The following SMYD3 variants were observed in gnomAD, a reference collection of about 807,000 sequenced individuals.
SMYD3 encodes histone-lysine N-methyltransferase SMYD3.
Under a neutral mutation model 57.7 loss-of-function variants are expected in SMYD3, and 36 were observed. The observed-to-expected ratio is 0.62, with a 90% CI of 0.48 to 0.82. The LOEUF is 0.82. SMYD3 is among the 40% of genes least tolerant of loss of function. SMYD3 has a pLI of 0.00. For missense variants in SMYD3, 515 were observed against 538.8 expected (o/e 0.96, Z 0.44); for synonymous variants, 211 against 195.0 (o/e 1.08, Z -0.68).
chr1:246,146,880 A>G (rs2061851579), intron 5 of SMYD3, among the ~76,000 whole-genome samples: 1 of 152,256 alleles, frequency 6.6e-6, no homozygotes. Flanking sequence ...TCCCTTGGTG[A>G]AGGTTGATGG....
intron 10 of SMYD3, among the ~76,000 whole-genome samples, chr1:245,774,899 C>G (rs1054094838): frequency 6.6e-6 from 1 of 152,212 alleles, no homozygotes; most frequent in Non-Finnish European, 1.5e-5. Context: ...GACGGGGTTT[C>G]ACTGTGTTGG....
intron 5 of SMYD3, among the ~76,000 whole-genome samples, chr1:246,247,465 C>A (rs12757825): frequency 0.1 from 11,491 of 110,328 alleles, 707 homozygotes; most frequent in East Asian, 0.35. Flanking sequence ...CTCTCTCTCT[C>A]TATATATATA....
intron 5 of SMYD3, among the ~76,000 whole-genome samples, chr1:245,931,863 T>A (rs1322950611): frequency 6.6e-6 from 1 of 152,190 alleles, no homozygotes; most frequent in African/African-American, 2.4e-5. Context: ...TTGGCTTTTT[T>A]CCCTCTAAAT....
chr1:245,993,071 T>G (rs1338086659), intron 5 of SMYD3, among the ~76,000 whole-genome samples: 1 of 152,204 alleles, frequency 6.6e-6, no homozygotes, highest in Admixed American at 6.5e-5. Context: ...TAATAAAACT[T>G]TGGGAGGTAG....
intron 10 of SMYD3, among the ~76,000 whole-genome samples, chr1:245,837,454 T>C (rs2050160579): frequency 6.6e-6 from 1 of 151,966 alleles, no homozygotes; most frequent in South Asian, 2.1e-4. Context: ...AGGCATTCTA[T>C]GGCCTGAACA....
At chr1:246,410,667 C>T (rs999685902) in intron 1 of SMYD3, among the ~76,000 whole-genome samples, 120 of 152,182 alleles carry the variant, frequency 7.9e-4, no homozygotes, top group African/African-American at 2.8e-3. Context: ...TTTGGTATCA[C>T]GATGATGATG....
At chr1:246,045,901 A>C (rs1023989474) in intron 5 of SMYD3, among the ~76,000 whole-genome samples, 4 of 152,244 alleles carry the variant, frequency 2.6e-5, no homozygotes, top group Admixed American at 2.0e-4. Flanking sequence ...CCATCAGAGA[A>C]CTGCAAATCA....
intron 5 of SMYD3, among the ~76,000 whole-genome samples, chr1:246,127,623 C>T (rs1182040360): frequency 6.6e-6 from 1 of 152,060 alleles, no homozygotes; most frequent in Non-Finnish European, 1.5e-5. Context: ...AGGCTGGGTG[C>T]GGTGAATCAC....
intron 1 of SMYD3, among the ~76,000 whole-genome samples, chr1:246,407,596 C>T (rs1455931475): frequency 3.3e-5 from 5 of 152,172 alleles, no homozygotes; most frequent in African/African-American, 1.2e-4. Flanking sequence ...AATCCCAGCA[C>T]TTTGGGAAGC....
intron 10 of SMYD3, among the ~76,000 whole-genome samples, chr1:245,832,516 C>A: frequency 8.4e-6 from 1 of 118,604 alleles, no homozygotes; most frequent in Admixed American, 8.5e-5. Context: ...GAGGAGAAGA[C>A]GACACCTGAT....
chr1:245,779,165 GAAA>G (rs369697643), intron 10 of SMYD3, among the ~76,000 whole-genome samples: 16 of 126,544 alleles, frequency 1.3e-4, no homozygotes, highest in Middle Eastern at 3.6e-3. Context: ...GTCCCAAGGG[GAAA>G]AAAAAAAAAA....
intron 5 of SMYD3, among the ~76,000 whole-genome samples, chr1:245,950,565 G>A (rs543035872): frequency 6.6e-6 from 1 of 152,212 alleles, no homozygotes; most frequent in South Asian, 2.1e-4. Flanking sequence ...TCTTAACATT[G>A]CCCAGAAGGA....
intron 5 of SMYD3, among the ~76,000 whole-genome samples, chr1:246,141,675 C>T (rs376055564): frequency 1.1e-4 from 17 of 152,188 alleles, no homozygotes; most frequent in Admixed American, 6.5e-4. Flanking sequence ...AACATGCCAA[C>T]GTAAACACAT....
chr1:246,268,901 T>A (rs2064163233), intron 5 of SMYD3, among the ~76,000 whole-genome samples: 4 of 152,072 alleles, frequency 2.6e-5, no homozygotes, highest in Admixed American at 2.0e-4. Flanking sequence ...TCCCTTGGGG[T>A]CCTGCAACAC....
intron 5 of SMYD3, among the ~76,000 whole-genome samples, chr1:246,153,229 C>G (rs1040862029): frequency 3.3e-5 from 5 of 152,116 alleles, no homozygotes; most frequent in African/African-American, 1.2e-4. Context: ...ACAGCATTAT[C>G]CTTCTCCTTT....
intron 5 of SMYD3, among the ~76,000 whole-genome samples, chr1:246,044,588 A>T (rs1204226295): frequency 6.6e-6 from 1 of 152,180 alleles, no homozygotes; most frequent in Non-Finnish European, 1.5e-5. Flanking sequence ...GAGGAAAAAA[A>T]TGCTTACAAA....
chr1:245,777,546 T>A (rs560779493), intron 10 of SMYD3, among the ~76,000 whole-genome samples: 1 of 152,206 alleles, frequency 6.6e-6, no homozygotes, highest in South Asian at 2.1e-4. Context: ...ATCACCTGGA[T>A]AACTGGGAAA....
intron 5 of SMYD3, among the ~76,000 whole-genome samples, chr1:246,197,569 C>A (rs1359450364): frequency 6.7e-6 from 1 of 149,948 alleles, no homozygotes; most frequent in East Asian, 2.0e-4. Context: ...TCCAAACTGT[C>A]AAGGATCATC....
chr1:246,109,945 A>G (rs2061203384), intron 5 of SMYD3: 2 of 152,218 alleles, frequency 1.3e-5, no homozygotes, highest in Admixed American at 6.5e-5. Flanking sequence ...TGTTATAGGA[A>G]GGCAGAATTA....
Sources: gnomAD v4.1 joint callset for allele counts (sites outside exome capture counted in the v4.1 genomes callset) on GRCh38, gnomAD v4.1.1 for gene constraint, MANE v1.5 for transcripts, NCBI Gene and HGNC (gene_info 2026-07-23, HGNC 2026-07-21) for gene names.